DMBT1: variants seen among roughly 807,000 people sequenced by gnomAD.
DMBT1 encodes deleted in malignant brain tumors 1.
DMBT1 carries 198 observed loss-of-function variants against 252.9 expected under a neutral mutation model. The ratio of observed to expected loss-of-function variants is 0.78; its 90% CI spans 0.70 to 0.88. The LOEUF (loss-of-function observed/expected upper bound fraction) is 0.88. Ranked by LOEUF, DMBT1 falls within the 40% of genes least tolerant of loss-of-function variation. The pLI is 0.00. For synonymous variants in DMBT1, 990 were observed against 942.7 expected (o/e 1.05, Z -0.92); for missense variants, 2,432 against 2,404.7 (o/e 1.01, Z -0.24).
chr10:122,631,237 CCCA>C lies in DMBT1; in HGVS notation c.6304_6306del (p.His2102del), dbSNP rs1419032784. On this transcript the variant is annotated inframe_deletion, in exon 49 of 56. Coordinates refer to ENST00000338354, the MANE Select transcript of DMBT1 (RefSeq NM_001377530.1). ...CAGTGCCGGAACCGAGGCTGGTTCT[CCCA>C]CAACTGTAATCATCGTGAAGATGCT... The C allele has an allele frequency of 1.2e-6, 2 of 1,614,012 alleles. No homozygotes were observed. The highest frequency in any genetic ancestry group is 2.7e-5 in the African/African-American group (2 of 75,056).
At chr10:122,570,250 C>T in intron 3 of DMBT1, 41 bp downstream of exon 3, 2 of 1,416,478 alleles carry the variant, frequency 1.4e-6, no homozygotes, top group Non-Finnish European at 2.0e-6. Flanking sequence ...CTCATTACCC[C>T]ACTGCACCCC....
chr10:122,623,090 A>C (rs1211171460), intron 44 of DMBT1, among the ~76,000 whole-genome samples: 1 of 152,154 alleles, frequency 6.6e-6, no homozygotes, highest in Non-Finnish European at 1.5e-5. Flanking sequence ...CCTGGCAACC[A>C]CTAATCTGCT....
intron 43 of DMBT1, 87 bp downstream of exon 43, chr10:122,620,378 C>A: frequency 6.7e-7 from 1 of 1,491,660 alleles, no homozygotes; most frequent in Non-Finnish European, 9.3e-7. Context: ...GAGGCTCAAG[C>A]TGGCGCCTCT....
Position 122,618,344 on chromosome 10 carries a change from G to A in DMBT1, c.5215+4G>A. On this transcript the variant is annotated splice_donor_region_variant and intron_variant, in intron 41 of 55. Transcript: ENST00000338354. ...GATGCTGGTGTCATCTGCTCAGGTG[G>A]GCTTTCAAGACCTTGGGCTCCCTCT... 6.2e-7 allele frequency: 1 copy of A among 1,613,828 alleles called. No homozygotes were observed. The highest frequency in any genetic ancestry group is 8.5e-7 in the Non-Finnish European group (1 of 1,179,770).
intron 1 of DMBT1, among the ~76,000 whole-genome samples, chr10:122,562,248 G>T (rs1048402595): frequency 1.3e-5 from 2 of 151,350 alleles, no homozygotes; most frequent in South Asian, 2.1e-4. Flanking sequence ...TGAATTTCAG[G>T]ATACAGGGTA....
intron 54 of DMBT1, among the ~76,000 whole-genome samples, chr10:122,639,463 T>C (rs915359853): frequency 1.3e-5 from 2 of 151,748 alleles, no homozygotes; most frequent in African/African-American, 4.8e-5. Flanking sequence ...TAGTGGAAAA[T>C]TACAGTCAAA....
chr10:122,590,577 G>T, intron 17 of DMBT1, 88 bp from the exon 18 acceptor site: 8 of 1,460,864 alleles, frequency 5.5e-6, no homozygotes, highest in Non-Finnish European at 7.6e-6. Context: ...GTGGACTGAA[G>T]GCGCTACCAG....
At chr10:122,570,077 C>A in intron 2 of DMBT1, 85 bp from the exon 3 acceptor site, 1 of 1,275,538 alleles carries the variant, frequency 7.8e-7, no homozygotes, top group Non-Finnish European at 1.1e-6. Flanking sequence ...GCTTCCAGTT[C>A]TTGCTTGAGA....
At chr10:122,575,259 T>C (rs1193176479) in intron 6 of DMBT1, among the ~76,000 whole-genome samples, 2 of 152,188 alleles carry the variant, frequency 1.3e-5, no homozygotes, top group Non-Finnish European at 2.9e-5. Context: ...AAAGTTATTT[T>C]TGCATCCCTC....
chr10:122,598,696 T>C (rs1055540521), intron 25 of DMBT1, 78 bp from the exon 26 acceptor site: 1 of 1,606,850 alleles, frequency 6.2e-7, no homozygotes, highest in South Asian at 1.1e-5. Context: ...CATTAGGACA[T>C]GCCTTGAGTG....
chr10:122,566,056 G>C, intron 2 of DMBT1, 60 bp downstream of exon 2: 1 of 1,552,086 alleles, frequency 6.4e-7, no homozygotes, highest in South Asian at 1.1e-5. Context: ...CTCTGCTACT[G>C]TTGGCTAGTT....
At chr10:122,573,121 C>T (rs1295799952) in intron 5 of DMBT1, among the ~76,000 whole-genome samples, 1 of 152,180 alleles carries the variant, frequency 6.6e-6, no homozygotes, top group African/African-American at 2.4e-5. Flanking sequence ...AAACTGTCTA[C>T]TTCAAGAGCA....
At position 122,566,325 on chromosome 10, in the gene DMBT1, C is replaced by CTTTTTTT. The variant is rs71026026; in HGVS notation, c.91+334_91+335insTTTTTTT. Among the ~76,000 whole-genome samples, 280 of 148,494 alleles carry CTTTTTTT rather than the reference C, an allele frequency of 1.9e-3. 1 individual carries two copies. The highest frequency in any genetic ancestry group is 2.4e-3 in the Non-Finnish European group (159 of 67,096). Reference sequence around the variant, plus strand: ...TTCTTTTTTTTTCTTTTTCTTTTTTCTTTTTGAGATGGAGTCTTGCTCTGT... The same window carrying CTTTTTTT: ...TTCTTTTTTTTTCTTTTTCTTTTTTCTTTTTTTTTTTTGAGATGGAGTCTTGCTCTGT... On this transcript the variant is annotated intron_variant, in intron 2 of 55. Coordinates refer to ENST00000338354, the MANE Select transcript of DMBT1 (RefSeq NM_001377530.1).
In DMBT1 at chr10:122,579,784, A is replaced by G; in HGVS notation, c.886A>G (p.Ile296Val). The change falls in exon 10 of 56, where the codon ATT (isoleucine) becomes GTT (valine). Residue 296 changes from isoleucine (I) to valine (V), a missense_variant. Transcript: ENST00000338354. ...NAQFGQGSGP[I>V]VLDDVRCSGH... ...CCAGTTTGGCCAGGGCTCAGGACCC[A>G]TTGTCCTGGATGATGTGCGCTGCTC... 1 of 1,607,438 alleles carries G rather than the reference A, an allele frequency of 6.2e-7. No homozygotes were observed. Among genetic ancestry groups the G allele is most frequent in the African/African-American group, 1.3e-5 (1 of 74,980 alleles).
At chr10:122,639,978 C>A in intron 54 of DMBT1, 62 bp from the exon 55 acceptor site, 2 of 1,556,654 alleles carry the variant, frequency 1.3e-6, no homozygotes, top group South Asian at 1.2e-5. Flanking sequence ...CCCAAATCAG[C>A]TATGGGATTC....
chr10:122,568,852 G>A (rs1476040085), intron 2 of DMBT1, among the ~76,000 whole-genome samples: 4 of 152,320 alleles, frequency 2.6e-5, no homozygotes, highest in South Asian at 2.1e-4. Flanking sequence ...TCCCCACAGC[G>A]GATGGTACAA....
At position 122,592,466 on chromosome 10, in the gene DMBT1, G is replaced by A; in HGVS notation, c.2371G>A (p.Gly791Ser). The A allele has an allele frequency of 1.3e-6, 2 of 1,588,124 alleles. No homozygotes were observed. Among genetic ancestry groups the A allele is most frequent in the Non-Finnish European group, 1.7e-6 (2 of 1,165,684 alleles). The change falls in exon 20 of 56, where the codon GGC (glycine) becomes AGC (serine). Residue 791 changes from glycine (G) to serine (S), a missense_variant. Around this residue, in one of 3 missense-constraint regions of DMBT1, gnomAD observed 1,264 missense variants for 1,082.2 expected, o/e 1.17. Coordinates refer to ENST00000338354, the MANE Select transcript of DMBT1 (RefSeq NM_001377530.1). Reference protein sequence around the residue: ...SAPGNARFGQGSGPIVLDDVR... With the variant: ...SAPGNARFGQSSGPIVLDDVR... The stretch of plus-strand genomic sequence containing the variant: ...CCCAGGAAATGCCCGGTTTGGCCAG[G>A]GCTCAGGACCCATTGTTCTGGATGA...
At position 122,586,306 on chromosome 10, in the gene DMBT1, A is replaced by T; in HGVS notation, c.1706A>T (p.Tyr569Phe). 6.3e-7 allele frequency: 1 copy of T among 1,588,632 alleles called. No individual in the cohort carries two copies. The highest frequency in any genetic ancestry group is 1.3e-5 in the African/African-American group (1 of 74,602). Residue 569 changes from tyrosine (Y) to phenylalanine (F), a missense_variant, in exon 16 of 56, where the codon TAC becomes TTC. By Grantham distance (22) the Tyr-to-Phe change is conservative (BLOSUM62 3). Around this residue, in one of 3 missense-constraint regions of DMBT1, gnomAD observed 1,264 missense variants for 1,082.2 expected, o/e 1.17. Transcript: ENST00000338354. ...GTGCGCTGCTCAGGGAATGAGTCCT[A>T]CTTGTGGAGCTGCCCCCACAATGGC... is the stretch of plus-strand genomic sequence containing the variant. ...DDVRCSGNESYLWSCPHNGWL... is the reference protein window; with the variant it reads ...DDVRCSGNESFLWSCPHNGWL...
chr10:122,627,644 A>G (rs1025887284), intron 46 of DMBT1, among the ~76,000 whole-genome samples: 4 of 152,232 alleles, frequency 2.6e-5, no homozygotes, highest in Non-Finnish European at 5.9e-5. Context: ...TTTATATTTA[A>G]TGATTAGAAA....
Sources: allele counts gnomAD v4.1 joint callset (sites outside exome capture counted in the v4.1 genomes callset), GRCh38; gene constraint gnomAD v4.1.1; regional missense constraint gnomAD v4.1.1; transcripts MANE v1.5; gene names NCBI Gene and HGNC (gene_info 2026-07-23, HGNC 2026-07-21).